ZNF804B: variants seen among roughly 807,000 people sequenced by gnomAD.
ZNF804B encodes zinc finger 804B.
In ZNF804B, 80 loss-of-function variants were observed where a neutral mutation model predicts 101.4. The ratio of observed to expected loss-of-function variants is 0.79; its 90% CI spans 0.66 to 0.95. ZNF804B has a LOEUF of 0.95. Among genes scored for constraint, ZNF804B ranks in the 40% least tolerant of loss-of-function variants. The pLI is 0.00. For missense variants in ZNF804B, 1,673 were observed against 1,561.9 expected (o/e 1.07, Z -1.20); for synonymous variants, 622 against 558.8 (o/e 1.11, Z -1.59).
intron 1 of ZNF804B, among the ~76,000 whole-genome samples, chr7:88,917,565 A>C (rs1207950382): frequency 6.6e-6 from 1 of 152,168 alleles, no homozygotes; most frequent in East Asian, 1.9e-4. Flanking sequence ...CAGGGGACTG[A>C]GATGCTATTC....
intron 1 of ZNF804B, among the ~76,000 whole-genome samples, chr7:89,115,537 A>C (rs35887854): frequency 0.029 from 4,452 of 152,256 alleles, 76 homozygotes; most frequent in African/African-American, 0.036. Context: ...TTGAGCCCAG[A>C]TGTATTTTTA....
intron 1 of ZNF804B, among the ~76,000 whole-genome samples, chr7:88,769,282 C>G (rs117741266): frequency 5.9e-4 from 89 of 152,104 alleles, no homozygotes; most frequent in Non-Finnish European, 9.9e-4. Flanking sequence ...AATTTTTTCC[C>G]CAGTTATAAT....
At chr7:88,796,744 A>G (rs192091827) in intron 1 of ZNF804B, among the ~76,000 whole-genome samples, 21 of 152,232 alleles carry the variant, frequency 1.4e-4, no homozygotes, top group East Asian at 9.7e-4. Context: ...GCTCAGCACC[A>G]TCTATATGTC....
At chr7:88,992,097 G>A (rs1793856360) in intron 1 of ZNF804B, among the ~76,000 whole-genome samples, 1 of 152,096 alleles carries the variant, frequency 6.6e-6, no homozygotes, top group Non-Finnish European at 1.5e-5. Context: ...GAGGATGACA[G>A]TGATGAGGAA....
At chr7:89,112,731 T>C (rs987714029) in intron 1 of ZNF804B, among the ~76,000 whole-genome samples, 1 of 150,876 alleles carries the variant, frequency 6.6e-6, no homozygotes, top group African/African-American at 2.4e-5. Flanking sequence ...CTTAATAATA[T>C]TGAGGCTGCA....
intron 1 of ZNF804B, among the ~76,000 whole-genome samples, chr7:88,876,045 A>T (rs9918619): frequency 5.3e-5 from 8 of 152,136 alleles, no homozygotes; most frequent in African/African-American, 1.7e-4. Context: ...TATAAACAGA[A>T]CCAAAGACAA....
At chr7:88,886,897 C>G (rs550664859) in intron 1 of ZNF804B, among the ~76,000 whole-genome samples, 1 of 138,098 alleles carries the variant, frequency 7.2e-6, no homozygotes, top group Non-Finnish European at 1.5e-5. Context: ...ATGGTCCAAA[C>G]TTAGGAAAAA....
chr7:89,215,619 C>G (rs1473183524), intron 1 of ZNF804B, among the ~76,000 whole-genome samples: 1 of 151,914 alleles, frequency 6.6e-6, no homozygotes, highest in South Asian at 2.1e-4. Flanking sequence ...GGCGGTGGCT[C>G]GCGCCTGTAA....
intron 1 of ZNF804B, among the ~76,000 whole-genome samples, chr7:88,906,331 G>A (rs1319837582): frequency 6.6e-6 from 1 of 151,880 alleles, no homozygotes; most frequent in Non-Finnish European, 1.5e-5. Flanking sequence ...GTTCCTTTAG[G>A]TGCAAAGTTC....
intron 2 of ZNF804B, among the ~76,000 whole-genome samples, chr7:89,268,867 TTAGACAAGTGCTG>T (rs1257836780): frequency 1.9e-4 from 29 of 152,222 alleles, no homozygotes; most frequent in African/African-American, 7.0e-4. Flanking sequence ...AGTACACTCT[TTAGACAAGTGCTG>T]TATAAAGAGA....
intron 1 of ZNF804B, among the ~76,000 whole-genome samples, chr7:88,929,175 C>T (rs1231277498): frequency 6.6e-6 from 1 of 151,724 alleles, no homozygotes; most frequent in Non-Finnish European, 1.5e-5. Context: ...CTCCTGTGGC[C>T]ATCAATAGAA....
intron 2 of ZNF804B, among the ~76,000 whole-genome samples, chr7:89,293,348 A>G (rs1347339523): frequency 6.6e-6 from 1 of 152,208 alleles, no homozygotes; most frequent in Non-Finnish European, 1.5e-5. Context: ...ATATACATGT[A>G]TGAAAATATG....
intron 1 of ZNF804B, among the ~76,000 whole-genome samples, chr7:88,918,125 A>T (rs1792662445): frequency 6.6e-6 from 1 of 152,180 alleles, no homozygotes; most frequent in Non-Finnish European, 1.5e-5. Context: ...AGAGAATCTG[A>T]AACTCAGCAA....
chr7:89,057,486 A>G (rs1343681023), intron 1 of ZNF804B, among the ~76,000 whole-genome samples: 2 of 130,772 alleles, frequency 1.5e-5, no homozygotes, highest in South Asian at 2.5e-4. Flanking sequence ...CTAGGAAAGC[A>G]AGGAAAAACC....
intron 1 of ZNF804B, among the ~76,000 whole-genome samples, chr7:88,763,662 C>G (rs921014454): frequency 6.6e-6 from 1 of 151,816 alleles, no homozygotes; most frequent in African/African-American, 2.4e-5. Flanking sequence ...ACAATTTATA[C>G]CTATCCCCGA....
chr7:88,994,379 T>C (rs1793890252), intron 1 of ZNF804B, among the ~76,000 whole-genome samples: 1 of 152,074 alleles, frequency 6.6e-6, no homozygotes, highest in African/African-American at 2.4e-5. Flanking sequence ...GATATGCATT[T>C]ATTTATGTAC....
In ZNF804B at chr7:89,298,257, T is replaced by TAC. The variant is rs1554391321; in HGVS notation, c.250-29086_250-29085dup. Among the ~76,000 whole-genome samples, 531 of 108,278 alleles carry TAC rather than the reference T, an allele frequency of 4.9e-3. 26 individuals carry two copies. In the East Asian group the frequency reaches 0.13, roughly 26 times the overall value. The allele number at this position is 108,278 out of a possible 152,430, so 71.0% of individuals were successfully genotyped here. On this transcript the variant is annotated intron_variant, in intron 2 of 3. Transcript: ENST00000333190. ...ATATATATATATATATATATATATA[T>TAC]ACTTTAAGTTCTAGGTTACATGTGC...
At chr7:89,117,089 A>C (rs1003928999) in intron 1 of ZNF804B, among the ~76,000 whole-genome samples, 1 of 152,180 alleles carries the variant, frequency 6.6e-6, no homozygotes, top group African/African-American at 2.4e-5. Context: ...GTGCCAGATG[A>C]TAAACCAAAG....
Position 88,774,123 on chromosome 7 carries a change from G to T in ZNF804B, c.108+14039G>T, listed in dbSNP as rs114877551. On this transcript the variant is annotated intron_variant, in intron 1 of 3. Coordinates refer to ENST00000333190, the MANE Select transcript of ZNF804B (RefSeq NM_181646.5). Reference sequence around the variant, plus strand: ...ACTCATGCACAAAGCACTTAGGTCAGAGTTTAAAATTAATTTAGATCTATA... The same window carrying T: ...ACTCATGCACAAAGCACTTAGGTCATAGTTTAAAATTAATTTAGATCTATA... 1.8e-4 allele frequency among the ~76,000 whole-genome samples: 28 copies of T among 151,850 alleles called. No individual in the cohort carries two copies. The South Asian group carries it at 4.2e-3, about 23-fold the overall frequency.
Sources: allele counts gnomAD v4.1 joint callset (sites outside exome capture counted in the v4.1 genomes callset), GRCh38; gene constraint gnomAD v4.1.1; transcripts MANE v1.5; gene names NCBI Gene and HGNC (gene_info 2026-07-23, HGNC 2026-07-21).